TEPSIN: variants seen among roughly 807,000 people sequenced by gnomAD.
The protein encoded by TEPSIN is AP-4 complex accessory subunit tepsin.
TEPSIN carries 50 observed loss-of-function variants against 48.5 expected under a neutral mutation model. The observed-to-expected ratio is 1.03, with a 90% CI of 0.82 to 1.31. The LOEUF (loss-of-function observed/expected upper bound fraction) is 1.31, where lower values mean the gene tolerates loss of function less well. Ranked by LOEUF, TEPSIN falls within the 50% of genes most tolerant of loss-of-function variation. TEPSIN has a pLI of 0.00. For synonymous variants in TEPSIN, 392 were observed against 358.8 expected, an observed-to-expected ratio of 1.09 and a Z score of -1.05; for missense variants, 838 against 815.9, an observed-to-expected ratio of 1.03 and a Z score of -0.33.
Position 81,231,705 on chromosome 17 carries a change from T to C in TEPSIN, c.906-14A>G. On this transcript the variant is annotated splice_polypyrimidine_tract_variant and intron_variant, in intron 9 of 12. Transcript: ENST00000637944. The stretch of plus-strand genomic sequence containing the variant: ...ACCACCTCGACCCTGCCAGGGGGAA[T>C]GGCCGGGTCAAGGGTGAGTGGAGGC... The C allele has an allele frequency of 6.2e-7, 1 of 1,610,762 alleles. No individual in the cohort carries two copies. The highest frequency in any genetic ancestry group is 8.5e-7 in the Non-Finnish European group (1 of 1,178,750).
At position 81,229,043 on chromosome 17, in the gene TEPSIN, G is replaced by A. The variant is rs1567897611; in HGVS notation, c.1667C>T (p.Ala556Val). The change falls in exon 13 of 13, where the codon GCT becomes GTT. Residue 556 changes from alanine (A) to valine (V), a missense_variant. By Grantham distance (64) the Ala-to-Val change is moderately conservative. Transcript: ENST00000637944. ...ACPRLVGAGAAAGESCPDAPR... is the reference protein window; with the variant it reads ...ACPRLVGAGAVAGESCPDAPR... ...AGCATCAGGACAGGACTCTCCCGCA[G>A]CAGCCCCAGCCCCCACCAGGCGGGG... 6.2e-7 allele frequency: 1 copy of A among 1,613,324 alleles called. No homozygotes were observed. The highest frequency in any genetic ancestry group is 8.5e-7 in the Non-Finnish European group (1 of 1,179,936).
intron 1 of TEPSIN, chr17:81,238,165 G>C (rs1157212607): frequency 1.0e-6 from 1 of 985,736 alleles, no homozygotes; most frequent in East Asian, 1.1e-4. Flanking sequence ...GAGATCTAGT[G>C]ACAACATACG....
chr17:81,232,356 G>T lies in TEPSIN; in HGVS notation c.689C>A (p.Thr230Asn). 1 of 1,535,340 alleles carries T rather than the reference G, an allele frequency of 6.5e-7. No homozygotes were observed. Among genetic ancestry groups the T allele is most frequent in the Non-Finnish European group, 8.7e-7 (1 of 1,146,332 alleles). Reference protein sequence around the residue: ...MMPSASHGPPTLGNLLPGAIP... With the variant: ...MMPSASHGPPNLGNLLPGAIP... Reference sequence around the variant, plus strand: ...GGCCCCGGGGAGTAGGTTCCCCAGGGTTGGGGGACCGTGGCTGGCTGAAGG... The same window carrying T: ...GGCCCCGGGGAGTAGGTTCCCCAGGTTTGGGGGACCGTGGCTGGCTGAAGG... The change falls in exon 8 of 13, where the codon ACC becomes AAC. Residue 230 changes from threonine (T) to asparagine (N), a missense_variant. Physicochemically the swap from Thr to Asn is moderately conservative, Grantham distance 65 (BLOSUM62 0). Coordinates refer to ENST00000637944, the MANE Select transcript of TEPSIN (RefSeq NM_001363764.2).
chr17:81,237,814 A>G (rs2062751863), intron 1 of TEPSIN: 1 of 352,650 alleles, frequency 2.8e-6, no homozygotes, highest in African/African-American at 2.2e-5. Context: ...TAGCAAAGCC[A>G]AACAAGGCCC....
chr17:81,237,875 G>A, intron 1 of TEPSIN: 4 of 734,428 alleles, frequency 5.4e-6, no homozygotes, highest in Non-Finnish European at 5.1e-6. Flanking sequence ...CACCTCCCCA[G>A]AGGCCGGAAT....
intron 1 of TEPSIN, chr17:81,238,665 T>C: frequency 8.5e-7 from 1 of 1,181,432 alleles, no homozygotes; most frequent in Admixed American, 4.7e-5. Flanking sequence ...ACACAGCGGC[T>C]CCACGTCCAC....
At chr17:81,237,524 C>A (rs373160789) in intron 1 of TEPSIN, 65 bp from the exon 2 acceptor site, 88 of 1,507,538 alleles carry the variant, frequency 5.8e-5, no homozygotes, top group Non-Finnish European at 7.8e-5. Flanking sequence ...AATCCGCAGC[C>A]CCCCAAAGGG....
rs543695335 is a variant in TEPSIN at position 81,230,668 on chromosome 17, C to T, written c.1109G>A (p.Cys370Tyr). Residue 370 changes from cysteine to tyrosine, a missense_variant, in exon 12 of 13, where the codon TGT (cysteine) becomes TAT (tyrosine). Physicochemically the swap from Cys to Tyr is radical, Grantham distance 194 (BLOSUM62 -2). Transcript: ENST00000637944. The surrounding 1 kb of genome is among the most constrained non-coding windows in gnomAD (Gnocchi z 4.2). ...TSECTQLRAL[C>Y]AIASLGSSDL... ...GCTGCTCCCCAGGGAGGCGATGGCA[C>T]ACAGCGCCCTCTGCGGGTGAAGGGA... 2.6e-6 allele frequency: 4 copies of T among 1,557,020 alleles called. No individual in the cohort carries two copies. Among genetic ancestry groups the T allele is most frequent in the South Asian group, 1.2e-5 (1 of 83,798 alleles).
At position 81,231,283 on chromosome 17, in the gene TEPSIN, G is replaced by A. The variant is rs2062598586; in HGVS notation, c.1098+115C>T. 6 of 1,114,372 alleles carry A rather than the reference G, an allele frequency of 5.4e-6. No individual in the cohort carries two copies. In the South Asian group the frequency reaches 6.2e-5, roughly 12 times the overall value. The allele number at this position is 1,114,372 out of a possible 1,614,324, so 69.0% of individuals were successfully genotyped here. ...TGTGCGCACGCACAGCCACACAGAG[G>A]AATGTTCACACACAGGTGTGCACAC... On this transcript the variant is annotated intron_variant, in intron 11 of 12. Coordinates refer to ENST00000637944, the MANE Select transcript of TEPSIN (RefSeq NM_001363764.2).
chr17:81,238,350 G>T, intron 1 of TEPSIN: 2 of 313,952 alleles, frequency 6.4e-6, no homozygotes, highest in South Asian at 1.3e-4. Context: ...CAACCCTAGC[G>T]TGGCTTCTGG....
rs1470871183 is a variant in TEPSIN at position 81,232,340 on chromosome 17, G to A, written c.705C>T (p.Leu235=). The A allele has an allele frequency of 1.2e-5, 18 of 1,534,182 alleles. No individual in the cohort carries two copies. Among genetic ancestry groups the A allele is most frequent in the Middle Eastern group, 1.7e-4 (1 of 6,006 alleles). The change falls in exon 8 of 13, where the codon CTC becomes CTT. Residue 235 remains leucine (L), a synonymous_variant. Transcript: ENST00000637944. ...SHGPPTLGNL[L]PGAIPGPRAV... ...CTCGGGGACCTGGAATGGCCCCGGG[G>A]AGTAGGTTCCCCAGGGTTGGGGGAC...
intron 7 of TEPSIN, chr17:81,232,777 G>A: frequency 2.1e-6 from 1 of 479,894 alleles, no homozygotes; most frequent in Non-Finnish European, 3.7e-6. Flanking sequence ...TCCTCTGGGG[G>A]TGAAGGTGTC....
At position 81,237,474 on chromosome 17, in the gene TEPSIN, G is replaced by C. The variant is rs1435224226; in HGVS notation, c.49-15C>G. 6 of 1,602,864 alleles carry C rather than the reference G, an allele frequency of 3.7e-6. No individual in the cohort carries two copies. The African/African-American group carries it at 8.0e-5, about 21-fold the overall frequency. ...AGAATCGGGAGCTGAAAGGGAACAAGAGCCCCTACCATGATGAGGTGCCAT... is the reference window on the plus strand; with the variant it reads ...AGAATCGGGAGCTGAAAGGGAACAACAGCCCCTACCATGATGAGGTGCCAT... On this transcript the variant is annotated splice_polypyrimidine_tract_variant and intron_variant, in intron 1 of 12. Coordinates refer to ENST00000637944, the MANE Select transcript of TEPSIN (RefSeq NM_001363764.2).
At chr17:81,235,201 C>G (rs878927213) in intron 4 of TEPSIN, among the ~76,000 whole-genome samples, 1 of 152,374 alleles carries the variant, frequency 6.6e-6, no homozygotes, top group Non-Finnish European at 1.5e-5. Context: ...AACATTCAGT[C>G]TGTAAGATAA....
chr17:81,237,974 CG>C, intron 1 of TEPSIN: 1 of 1,000,194 alleles, frequency 1.0e-6, no homozygotes, highest in Non-Finnish European at 1.2e-6. Flanking sequence ...TTAGCGCAGA[CG>C]TACTTATTTG....
chr17:81,237,152 C>T, intron 2 of TEPSIN, 81 bp from the exon 3 acceptor site: 1 of 1,419,998 alleles, frequency 7.0e-7, no homozygotes, highest in Non-Finnish European at 9.7e-7. Flanking sequence ...TGGGGCCTCT[C>T]AGTTCACGCT....
intron 1 of TEPSIN, chr17:81,238,351 T>C (rs1295448470): frequency 3.3e-6 from 1 of 306,914 alleles, no homozygotes; most frequent in Non-Finnish European, 4.8e-6. Context: ...AACCCTAGCG[T>C]GGCTTCTGGC....
In TEPSIN at chr17:81,237,033, G is replaced by A; in HGVS notation, c.160C>T (p.Leu54=). The change falls in exon 3 of 13, where the codon CTG becomes TTG. Residue 54 remains leucine (L), a synonymous_variant. Coordinates refer to ENST00000637944, the MANE Select transcript of TEPSIN (RefSeq NM_001363764.2). ...HESPGSSQCL[L]EYLLSRLHSS... ...TGCAGGCGGCTCAGGAGGTACTCCA[G>A]CAGGCACTGGCTGCTGCCCGGAGAC... 3 of 1,598,516 alleles carry A rather than the reference G, an allele frequency of 1.9e-6. No individual in the cohort carries two copies. Among genetic ancestry groups the A allele is most frequent in the Non-Finnish European group, 2.6e-6 (3 of 1,173,040 alleles).
rs932331016 is a variant in TEPSIN, at chr17:81,230,378, G to A, written c.1233+166C>T. The A allele has an allele frequency of 1.5e-4, 135 of 905,962 alleles. No individual in the cohort carries two copies. Among genetic ancestry groups the A allele is most frequent in the Non-Finnish European group, 1.9e-4 (119 of 612,136 alleles). The allele number at this position is 905,962 out of a possible 1,614,324, so 56.1% of individuals were successfully genotyped here. A position where few individuals can be genotyped will look rare whatever the true frequency, so the allele number is the denominator to read the frequency against. On this transcript the variant is annotated intron_variant, in intron 12 of 12. Transcript: ENST00000637944. The surrounding 1 kb of genome is among the most constrained non-coding windows in gnomAD (Gnocchi z 4.2). ...GGCGGGAAGGCAATGGGGAGGTGAGGACCCTGACTTGCTGCTGCTCCCTCT... is the reference window on the plus strand; with the variant it reads ...GGCGGGAAGGCAATGGGGAGGTGAGAACCCTGACTTGCTGCTGCTCCCTCT...
Sources: allele counts gnomAD v4.1 joint callset (sites outside exome capture counted in the v4.1 genomes callset), GRCh38; gene constraint gnomAD v4.1.1; non-coding constraint Gnocchi (gnomAD v3.1); transcripts MANE v1.5; gene names NCBI Gene and HGNC (gene_info 2026-07-23, HGNC 2026-07-21).